C12orf42: variants seen among roughly 807,000 people sequenced by gnomAD.
C12orf42 encodes chromosome 12 open reading frame 42.
C12orf42 carries 25 observed loss-of-function variants against 21.6 expected under a neutral mutation model. The observed-to-expected ratio is 1.16, with a 90% CI of 0.84 to 1.62. C12orf42 has a LOEUF of 1.62. Among genes scored for constraint, C12orf42 ranks in the 40% most tolerant of loss-of-function variants. The pLI is 0.00. For missense variants in C12orf42, 483 were observed against 459.3 expected (o/e 1.05, Z -0.47); for synonymous variants, 174 against 175.0 (o/e 0.99, Z 0.05).
intron 4 of C12orf42, among the ~76,000 whole-genome samples, chr12:103,338,525 C>T (rs137874450): frequency 2.0e-5 from 3 of 152,236 alleles, no homozygotes; most frequent in Admixed American, 1.3e-4. Context: ...AGTGTTTTCC[C>T]GGCCACTTGC....
chr12:103,556,325 C>T, the C12orf42 span, among the ~76,000 whole-genome samples: 2 of 152,168 alleles, frequency 1.3e-5, no homozygotes, highest in African/African-American at 4.8e-5. Context: ...GTTATTTCTG[C>T]CAAGCCATGA....
chr12:103,546,535 C>T, the C12orf42 span, among the ~76,000 whole-genome samples: 1 of 151,670 alleles, frequency 6.6e-6, no homozygotes. Context: ...TTAAAAGATA[C>T]AAGAAAATGG....
chr12:103,076,183 G>A, the C12orf42 span, among the ~76,000 whole-genome samples: 1 of 151,640 alleles, frequency 6.6e-6, no homozygotes, highest in South Asian at 2.1e-4. Flanking sequence ...GTATACCTAT[G>A]TAACAAACCT....
chr12:103,543,277 C>G, the C12orf42 span, among the ~76,000 whole-genome samples: 1 of 152,270 alleles, frequency 6.6e-6, no homozygotes, highest in African/African-American at 2.4e-5. Flanking sequence ...CACTATTAAG[C>G]AACTCATGAC....
intron 2 of C12orf42, among the ~76,000 whole-genome samples, chr12:103,462,633 C>T (rs1164708751): frequency 6.6e-6 from 1 of 152,098 alleles, no homozygotes; most frequent in Non-Finnish European, 1.5e-5. Context: ...CAAAGCATAA[C>T]TGCATTGGAG....
intron 2 of C12orf42, among the ~76,000 whole-genome samples, chr12:103,466,799 A>G (rs1209574416): frequency 6.6e-6 from 1 of 152,224 alleles, no homozygotes; most frequent in Non-Finnish European, 1.5e-5. Flanking sequence ...ATGCTAGCAA[A>G]TGCAAACACA....
At chr12:103,518,665 G>C in the C12orf42 span, among the ~76,000 whole-genome samples, 1 of 152,104 alleles carries the variant, frequency 6.6e-6, no homozygotes, top group Non-Finnish European at 1.5e-5. Context: ...ACACTGTATA[G>C]AGAAATGTTC....
At position 103,414,584 on chromosome 12, in the gene C12orf42, GTTC is replaced by G. The variant is rs527255799; in HGVS notation, c.79-12912_79-12910del. Among the ~76,000 whole-genome samples the G allele has an allele frequency of 5.3e-5, 8 of 152,164 alleles. No homozygotes were observed. In the East Asian group the frequency reaches 1.5e-3, roughly 29 times the overall value. ...CGATGTTTTTAAGCAGTGTCTTACAGTTCTTCTTATAAAGATCTTTCACTACCT... is the reference window on the plus strand; with the variant it reads ...CGATGTTTTTAAGCAGTGTCTTACAGTTCTTATAAAGATCTTTCACTACCT... On this transcript the variant is annotated intron_variant, in intron 2 of 5. Coordinates refer to ENST00000548883, the MANE Select transcript of C12orf42 (RefSeq NM_198521.5).
At chr12:103,295,277 T>C (rs1374062657) in intron 4 of C12orf42, among the ~76,000 whole-genome samples, 1 of 152,152 alleles carries the variant, frequency 6.6e-6, no homozygotes, top group African/African-American at 2.4e-5. Flanking sequence ...CTGGGTAGTT[T>C]TAGAGTCTTT....
At chr12:103,093,791 TG>T in the C12orf42 span, among the ~76,000 whole-genome samples, 9 of 152,194 alleles carry the variant, frequency 5.9e-5, no homozygotes, top group African/African-American at 2.2e-4. Context: ...TGGTTCTTCA[TG>T]GTAGCATCTG....
At chr12:103,485,590 C>A (rs1444662337) in intron 1 of C12orf42, among the ~76,000 whole-genome samples, 4 of 152,158 alleles carry the variant, frequency 2.6e-5, no homozygotes, top group African/African-American at 9.7e-5. Flanking sequence ...GATATTGATT[C>A]TTCCTATCCA....
the C12orf42 span, among the ~76,000 whole-genome samples, chr12:103,167,199 G>T: frequency 6.6e-6 from 1 of 152,090 alleles, no homozygotes; most frequent in Non-Finnish European, 1.5e-5. Context: ...ACTTGGCCCA[G>T]CCCCAGGTAC....
chr12:103,483,927 T>C (rs1308959319), intron 1 of C12orf42, among the ~76,000 whole-genome samples: 1 of 152,200 alleles, frequency 6.6e-6, no homozygotes. Context: ...TTTTCTGTCC[T>C]TGTGATAGTT....
At chr12:103,539,631 G>A in the C12orf42 span, among the ~76,000 whole-genome samples, 1 of 151,702 alleles carries the variant, frequency 6.6e-6, no homozygotes, top group South Asian at 2.1e-4. Context: ...CAGGGCTGGA[G>A]TGCAGTGGCA....
At chr12:103,262,562 T>C (rs1012547705) in intron 10 of C12orf42, 19 of 152,202 alleles carry the variant, frequency 1.2e-4, no homozygotes, top group African/African-American at 4.1e-4. Flanking sequence ...ATTTTTTGTA[T>C]ACCCAACTTT....
chr12:103,176,096 C>T, the C12orf42 span, among the ~76,000 whole-genome samples: 1 of 152,016 alleles, frequency 6.6e-6, no homozygotes, highest in South Asian at 2.1e-4. Flanking sequence ...TGCCATATCC[C>T]ACCTCCCCCC....
chr12:103,368,860 C>A lies in C12orf42; in HGVS notation c.259+27G>T, dbSNP rs12317808. The A allele has an allele frequency of 5.7e-6, 7 of 1,236,324 alleles. No homozygotes were observed. The African/African-American group carries it at 9.1e-5, about 16-fold the overall frequency. The allele number at this position is 1,236,324 out of a possible 1,614,324, so 76.6% of individuals were successfully genotyped here. On this transcript the variant is annotated intron_variant, in intron 4 of 5. Coordinates refer to ENST00000548883, the MANE Select transcript of C12orf42 (RefSeq NM_198521.5). ...CCAGAGTTTCTTTGGAAACTCTGGTCTGTCTTGGGATTATGTCTTAATTTA... is the reference window on the plus strand; with the variant it reads ...CCAGAGTTTCTTTGGAAACTCTGGTATGTCTTGGGATTATGTCTTAATTTA...
At chr12:103,216,781 C>T in the C12orf42 span, among the ~76,000 whole-genome samples, 1 of 152,042 alleles carries the variant, frequency 6.6e-6, no homozygotes, top group Non-Finnish European at 1.5e-5. Flanking sequence ...ATGTCCATTC[C>T]CCAAGGTCAC....
intron 1 of C12orf42, among the ~76,000 whole-genome samples, chr12:103,480,869 G>A (rs1490427303): frequency 6.7e-6 from 1 of 148,300 alleles, no homozygotes; most frequent in African/African-American, 2.6e-5. Context: ...TTGAATTATT[G>A]GATGTAATCT....
Sources: allele counts gnomAD v4.1 joint callset (sites outside exome capture counted in the v4.1 genomes callset), GRCh38; gene constraint gnomAD v4.1.1; transcripts MANE v1.5; gene names NCBI Gene and HGNC (gene_info 2026-07-23, HGNC 2026-07-21).